The following GRID2 variants were observed in gnomAD, a reference collection of about 807,000 sequenced individuals.
The protein encoded by GRID2 is glutamate receptor ionotropic, delta-2.
Under a neutral mutation model 114.8 loss-of-function variants are expected in GRID2, and 33 were observed. The ratio of observed to expected loss-of-function variants is 0.29; its 90% CI spans 0.22 to 0.38. The LOEUF (loss-of-function observed/expected upper bound fraction) is 0.38. Among genes scored for constraint, GRID2 ranks in the 10% least tolerant of loss-of-function variants. The probability of loss-of-function intolerance (pLI) is 1.00; values close to 1 mark genes in which losing one functional copy is unlikely to be tolerated. For synonymous variants in GRID2, 505 were observed against 449.9 expected, an observed-to-expected ratio of 1.12 and a Z score of -1.55; for missense variants, 1,184 against 1,257.7, an observed-to-expected ratio of 0.94 and a Z score of 0.89.
chr4:93,091,704 A>T lies in GRID2; in HGVS notation c.529+6425A>T, dbSNP rs140790442. 4.4e-3 allele frequency among the ~76,000 whole-genome samples: 677 copies of T among 152,200 alleles called. 2 individuals are homozygous for T. Among genetic ancestry groups the T allele is most frequent in the Middle Eastern group, 6.8e-3 (2 of 294 alleles). ...AGAGCTACAAGGACATTTTTATAAA[A>T]CTTACAGAGACTGATTGTGTCCCCC... is the stretch of plus-strand genomic sequence containing the variant. On this transcript the variant is annotated intron_variant, in intron 3 of 15. Coordinates refer to ENST00000282020, the MANE Select transcript of GRID2 (RefSeq NM_001510.4).
chr4:92,453,473 T>C (rs939363408), intron 1 of GRID2, among the ~76,000 whole-genome samples: 1 of 152,182 alleles, frequency 6.6e-6, no homozygotes, highest in African/African-American at 2.4e-5. Flanking sequence ...CATATACATA[T>C]ATGCATACAT....
intron 2 of GRID2, among the ~76,000 whole-genome samples, chr4:92,878,172 A>T (rs1374486157): frequency 6.6e-6 from 1 of 152,056 alleles, no homozygotes; most frequent in Non-Finnish European, 1.5e-5. Context: ...TTTAACCAGG[A>T]TGTCACTTGA....
intron 2 of GRID2, among the ~76,000 whole-genome samples, chr4:93,042,800 A>G (rs1560822140): frequency 6.6e-6 from 1 of 151,148 alleles, no homozygotes. Flanking sequence ...TATGTGAATA[A>G]ATCATTGATA....
At chr4:93,283,535 A>G (rs1333791971) in intron 8 of GRID2, among the ~76,000 whole-genome samples, 7 of 152,090 alleles carry the variant, frequency 4.6e-5, no homozygotes, top group African/African-American at 1.7e-4. Flanking sequence ...AGGAATGTGT[A>G]TTTAAAAAAT....
In GRID2 at chr4:93,359,068, T is replaced by A. The variant is rs1225598678; in HGVS notation, c.1246-36539T>A. 2.0e-5 allele frequency among the ~76,000 whole-genome samples: 3 copies of A among 152,148 alleles called. No homozygotes were observed. In the East Asian group the frequency reaches 5.8e-4, roughly 30 times the overall value. On this transcript the variant is annotated intron_variant, in intron 8 of 15. Transcript: ENST00000282020. The stretch of plus-strand genomic sequence containing the variant: ...GACTCACCTCAGCTGGGCTTGCTCA[T>A]CATCTGTGGTCAACTGGCAAGTCAC...
At chr4:92,700,830 C>T (rs932982594) in intron 2 of GRID2, among the ~76,000 whole-genome samples, 3 of 151,790 alleles carry the variant, frequency 2.0e-5, no homozygotes, top group Non-Finnish European at 4.4e-5. Context: ...GTCTCTGCTA[C>T]AAATACAAAA....
intron 8 of GRID2, among the ~76,000 whole-genome samples, chr4:93,266,560 T>A (rs551015326): frequency 6.6e-6 from 1 of 151,918 alleles, no homozygotes; most frequent in Non-Finnish European, 1.5e-5. Context: ...ACCCCATCAA[T>A]TGGCCCAGTA....
intron 12 of GRID2, among the ~76,000 whole-genome samples, chr4:93,498,778 C>A (rs890144337): frequency 2.0e-5 from 3 of 151,676 alleles, no homozygotes; most frequent in African/African-American, 7.3e-5. Flanking sequence ...TTCTATTTTG[C>A]CTTTTCTTTG....
intron 2 of GRID2, among the ~76,000 whole-genome samples, chr4:92,926,908 C>T (rs1179636619): frequency 6.6e-6 from 1 of 151,890 alleles, no homozygotes; most frequent in Non-Finnish European, 1.5e-5. Flanking sequence ...ATAACCTAAT[C>T]ACTTCTTAAA....
Position 93,595,950 on chromosome 4 carries a change from A to T in GRID2, c.2194-30319A>T, listed in dbSNP as rs532349383. On this transcript the variant is annotated intron_variant, in intron 13 of 15. Transcript: ENST00000282020. ...TCTTGCCTTGTCGCTAGTGTTCAAA[A>T]CTCCACAAGGAAAGTATTTTGACAC... 2.0e-5 allele frequency among the ~76,000 whole-genome samples: 3 copies of T among 152,246 alleles called. No individual in the cohort carries two copies. In the East Asian group the frequency reaches 5.8e-4, roughly 29 times the overall value.
At chr4:92,849,792 A>G (rs1375533551) in intron 2 of GRID2, among the ~76,000 whole-genome samples, 1 of 151,884 alleles carries the variant, frequency 6.6e-6, no homozygotes, top group Admixed American at 6.6e-5. Flanking sequence ...TTTCAATGGC[A>G]TAAAGAACCA....
chr4:92,829,168 A>G (rs1231559902), intron 2 of GRID2, among the ~76,000 whole-genome samples: 1 of 152,142 alleles, frequency 6.6e-6, no homozygotes, highest in Non-Finnish European at 1.5e-5. Flanking sequence ...TAAGCCTTTA[A>G]TCGATCTTGA....
intron 1 of GRID2, among the ~76,000 whole-genome samples, chr4:93,786,518 AGAG>A (rs1307878353): frequency 1.3e-5 from 2 of 152,236 alleles, no homozygotes; most frequent in Non-Finnish European, 2.9e-5. Context: ...CTCTGCAGTA[AGAG>A]AAGAGAGACA....
chr4:93,212,281 T>C (rs928750647), intron 5 of GRID2, among the ~76,000 whole-genome samples: 19 of 152,168 alleles, frequency 1.2e-4, no homozygotes, highest in African/African-American at 4.3e-4. Context: ...AAGGAGGGAA[T>C]ATAAATCAAA....
chr4:93,041,454 T>C (rs746353072), intron 2 of GRID2, among the ~76,000 whole-genome samples: 1 of 152,184 alleles, frequency 6.6e-6, no homozygotes, highest in Non-Finnish European at 1.5e-5. Flanking sequence ...CAAGGAGTCT[T>C]ACAATCTCTG....
intron 2 of GRID2, among the ~76,000 whole-genome samples, chr4:92,901,529 A>G (rs1578421859): frequency 6.6e-6 from 1 of 152,128 alleles, no homozygotes. Flanking sequence ...TTGGTTTCAT[A>G]TGCTTTTGAG....
intron 4 of GRID2, among the ~76,000 whole-genome samples, chr4:93,119,994 G>A (rs1733630050): frequency 6.6e-6 from 1 of 152,080 alleles, no homozygotes; most frequent in South Asian, 2.1e-4. Context: ...CTCCCATTCT[G>A]TAGCTCATCA....
chr4:93,535,231 TACACACACACACACAC>T (rs141785727), intron 13 of GRID2, among the ~76,000 whole-genome samples: 2 of 142,188 alleles, frequency 1.4e-5, no homozygotes, highest in Non-Finnish European at 1.6e-5. Context: ...CACATACACA[TACACACACACACACAC>T]ACACACACAC....
chr4:93,765,553 AT>A (rs548421779), intron 14 of GRID2, among the ~76,000 whole-genome samples: 9 of 149,912 alleles, frequency 6.0e-5, no homozygotes, highest in African/African-American at 9.8e-5. Context: ...CAATTAAATG[AT>A]TTTTTTTGGG....
Sources: allele counts gnomAD v4.1 joint callset (sites outside exome capture counted in the v4.1 genomes callset), GRCh38; gene constraint gnomAD v4.1.1; transcripts MANE v1.5; gene names NCBI Gene and HGNC (gene_info 2026-07-23, HGNC 2026-07-21).